The following VPS13B variants were observed in gnomAD, a reference collection of about 807,000 sequenced individuals.
The protein encoded by VPS13B is vacuolar protein sorting 13 homolog B.
In VPS13B, 285 loss-of-function variants were observed where a neutral mutation model predicts 426.4. The ratio of observed to expected loss-of-function variants is 0.67; its 90% CI spans 0.61 to 0.74. The LOEUF (loss-of-function observed/expected upper bound fraction) is 0.74, where lower values mean the gene tolerates loss of function less well. VPS13B is among the 30% of genes least tolerant of loss of function. The pLI, the probability that VPS13B is intolerant of heterozygous loss-of-function variation, is 0.00. For synonymous variants in VPS13B, 1,676 were observed against 1,676.4 expected (o/e 1.00, Z 0.01); for missense variants, 4,537 against 4,782.6 (o/e 0.95, Z 1.51).
intron 20 of VPS13B, 41 bp downstream of exon 20, chr8:99,384,358 T>C (rs767065907): frequency 3.4e-6 from 5 of 1,491,468 alleles, no homozygotes; most frequent in Non-Finnish European, 4.7e-6. Context: ...AACAAATATT[T>C]TTCTTATTCA....
intron 51 of VPS13B, 21 bp from the exon 52 acceptor site, chr8:99,832,348 T>TTTTTTTTTTTTTTTTTTTTTC (rs1288183102): frequency 6.9e-7 from 1 of 1,450,862 alleles, no homozygotes; most frequent in Non-Finnish European, 9.0e-7. Flanking sequence ...TGCATTTTTT[T>TTTTTTTTTTTTTTTTTTTTTC]TTTTTTTTTT....
At chr8:99,534,876 C>A (rs1399548897) in intron 30 of VPS13B, among the ~76,000 whole-genome samples, 1 of 152,032 alleles carries the variant, frequency 6.6e-6, no homozygotes, top group Non-Finnish European at 1.5e-5. Flanking sequence ...TATAGTGTAA[C>A]CTGCACATCA....
intron 17 of VPS13B, chr8:99,233,523 C>T (rs1319295575): frequency 8.5e-6 from 10 of 1,180,884 alleles, no homozygotes; most frequent in African/African-American, 7.5e-5. Flanking sequence ...GATGCGGGAA[C>T]GGGCCAAACT....
At position 99,527,337 on chromosome 8, in the gene VPS13B, C is replaced by T. The variant is rs571267644; in HGVS notation, c.4745+6327C>T. Among the ~76,000 whole-genome samples, 78 of 152,206 alleles carry T rather than the reference C, an allele frequency of 5.1e-4. 1 individual carries two copies. Among genetic ancestry groups the T allele is most frequent in the Middle Eastern group, 3.4e-3 (1 of 294 alleles). ...AAGCATCTGATCCAGTAGAAAACAA[C>T]AGAACATACATAACATGTTATTTAT... On this transcript the variant is annotated intron_variant, in intron 30 of 61. Coordinates refer to ENST00000357162, the MANE Select transcript of VPS13B (RefSeq NM_152564.5).
At chr8:99,492,885 C>G (rs1820690785) in intron 25 of VPS13B, among the ~76,000 whole-genome samples, 1 of 152,172 alleles carries the variant, frequency 6.6e-6, no homozygotes, top group East Asian at 1.9e-4. Flanking sequence ...CACTCTCCAA[C>G]CAGTCCCAAT....
intron 58 of VPS13B, among the ~76,000 whole-genome samples, chr8:99,867,053 C>A (rs1817145800): frequency 6.6e-6 from 1 of 152,180 alleles, no homozygotes. Flanking sequence ...ACTTAAATGT[C>A]TCTGTCAAAA....
At position 99,793,688 on chromosome 8, in the gene VPS13B, A is replaced by G. The variant is rs536270632; in HGVS notation, c.7941+9212A>G. ...CTGAGTAGGACAATGTTTGAGAGAC[A>G]GAGAATGGGGCAGGGTGTAAGAGCA... On this transcript the variant is annotated intron_variant, in intron 43 of 61. Transcript: ENST00000357162. Among the ~76,000 whole-genome samples, 4 of 152,294 alleles carry G rather than the reference A, an allele frequency of 2.6e-5. No homozygotes were observed. The South Asian group carries it at 8.3e-4, about 32-fold the overall frequency.
intron 13 of VPS13B, among the ~76,000 whole-genome samples, chr8:99,147,590 G>T (rs968254096): frequency 6.6e-6 from 1 of 152,038 alleles, no homozygotes; most frequent in African/African-American, 2.4e-5. Flanking sequence ...TTTAAAGAAA[G>T]AAATTGGGGA....
intron 52 of VPS13B, 116 bp downstream of exon 52, chr8:99,832,768 AT>A: frequency 9.8e-7 from 1 of 1,022,940 alleles, no homozygotes; most frequent in Non-Finnish European, 1.4e-6. Flanking sequence ...ATTAGGCTTT[AT>A]TTTTAATTAC....
At chr8:99,337,028 A>C (rs1464981500) in intron 19 of VPS13B, among the ~76,000 whole-genome samples, 1 of 152,158 alleles carries the variant, frequency 6.6e-6, no homozygotes, top group Non-Finnish European at 1.5e-5. Flanking sequence ...TACCCAAAGG[A>C]TTATAAATCA....
chr8:99,523,205 A>G, intron 30 of VPS13B, among the ~76,000 whole-genome samples: 1 of 152,168 alleles, frequency 6.6e-6, no homozygotes, highest in Non-Finnish European at 1.5e-5. Flanking sequence ...AATAGAACAG[A>G]GCACCAAGTA....
intron 33 of VPS13B, among the ~76,000 whole-genome samples, chr8:99,628,839 G>A (rs913623943): frequency 2.0e-5 from 3 of 151,856 alleles, no homozygotes; most frequent in Non-Finnish European, 4.4e-5. Context: ...GTGCAGTGGC[G>A]TGATCATGGT....
chr8:99,393,217 C>T (rs1814536645), intron 21 of VPS13B, among the ~76,000 whole-genome samples: 1 of 152,118 alleles, frequency 6.6e-6, no homozygotes, highest in East Asian at 1.9e-4. Flanking sequence ...TATGCAATCA[C>T]AGATTTTGAA....
chr8:99,448,651 A>G (rs1467803568), intron 23 of VPS13B, among the ~76,000 whole-genome samples: 4 of 151,928 alleles, frequency 2.6e-5, no homozygotes, highest in Admixed American at 6.6e-5. Flanking sequence ...CTCTTTTTCA[A>G]TCTTTCTTGA....
At chr8:99,071,130 G>C (rs1210227519) in intron 3 of VPS13B, among the ~76,000 whole-genome samples, 1 of 152,082 alleles carries the variant, frequency 6.6e-6, no homozygotes, top group South Asian at 2.1e-4. Flanking sequence ...ATGTTTTGCT[G>C]TATGGCCTTG....
In VPS13B at chr8:99,423,435, T is replaced by TG. The variant is rs201022889; in HGVS notation, c.3083-8102_3083-8101insG. On this transcript the variant is annotated intron_variant, in intron 21 of 61. Transcript: ENST00000357162. ...CAACATCTAGCTAATTTTTTTTTTT[T>TG]TTTTGTATTTTTAGTAGAGAGGTGG... is the stretch of plus-strand genomic sequence containing the variant. 8.8e-3 allele frequency among the ~76,000 whole-genome samples: 1,337 copies of TG among 151,252 alleles called. 23 individuals are homozygous for TG. The highest frequency in any genetic ancestry group is 0.031 in the African/African-American group (1,261 of 41,172).
At position 99,443,949 on chromosome 8, in the gene VPS13B, T is replaced by C. The variant is rs551511158; in HGVS notation, c.3445+1314T>C. Reference sequence around the variant, plus strand: ...AATACCACATTATGTACAAAGGTTCTAATTTTTTCACATCTGTGTCACTAT... The same window carrying C: ...AATACCACATTATGTACAAAGGTTCCAATTTTTTCACATCTGTGTCACTAT... On this transcript the variant is annotated intron_variant, in intron 23 of 61. Transcript: ENST00000357162. 3.9e-5 allele frequency among the ~76,000 whole-genome samples: 6 copies of C among 152,264 alleles called. No individual in the cohort carries two copies. The East Asian group carries it at 1.2e-3, about 29-fold the overall frequency.
chr8:99,301,922 C>G (rs1210663102), intron 19 of VPS13B, among the ~76,000 whole-genome samples: 5 of 152,106 alleles, frequency 3.3e-5, no homozygotes, highest in Non-Finnish European at 7.4e-5. Flanking sequence ...CCACTGCACC[C>G]AGGCTAAATA....
At chr8:99,341,835 G>A (rs1232010549) in intron 19 of VPS13B, 9 of 221,582 alleles carry the variant, frequency 4.1e-5, no homozygotes, top group Middle Eastern at 2.0e-3. Flanking sequence ...AAGATTTAAC[G>A]CAAAATAGAG....
Sources: allele counts gnomAD v4.1 joint callset (sites outside exome capture counted in the v4.1 genomes callset), GRCh38; gene constraint gnomAD v4.1.1; transcripts MANE v1.5; gene names NCBI Gene and HGNC (gene_info 2026-07-23, HGNC 2026-07-21).